Variants in GREB1 observed in about 807,000 individuals in gnomAD.
The protein encoded by GREB1 is protein GREB1.
GREB1 carries 106 observed loss-of-function variants against 200.7 expected under a neutral mutation model. That is an observed-to-expected ratio of 0.53 (90% CI 0.45 to 0.62). GREB1 has a LOEUF of 0.62. Ranked by LOEUF, GREB1 falls within the 20% of genes least tolerant of loss-of-function variation. The pLI, the probability that GREB1 is intolerant of heterozygous loss-of-function variation, is 0.00. For synonymous variants in GREB1, 1,132 were observed against 1,092.4 expected (o/e 1.04, Z -0.72); for missense variants, 2,243 against 2,556.8 (o/e 0.88, Z 2.65).
chr2:11,483,455 G>C (rs990685259), intron 1 of GREB1, among the ~76,000 whole-genome samples: 2 of 152,042 alleles, frequency 1.3e-5, no homozygotes, highest in Non-Finnish European at 2.9e-5. Flanking sequence ...GTGTGTGTGT[G>C]TATCTGCCTC....
chr2:11,638,811 T>C lies in GREB1; in HGVS notation c.5686+2T>C, dbSNP rs1462773731. ...TGAAAAAGTTTCATTTTCTGAAAGG[T>C]AACTTTTGTACTCTTAACTCTGCAC... On this transcript the variant is annotated splice_donor_variant, in intron 32 of 32. Transcript: ENST00000381486. LOFTEE classifies it high-confidence loss of function. 1 of 1,613,926 alleles carries C rather than the reference T, an allele frequency of 6.2e-7. No homozygotes were observed. Among genetic ancestry groups the C allele is most frequent in the Non-Finnish European group, 8.5e-7 (1 of 1,179,938 alleles).
chr2:11,566,664 C>T lies in GREB1; in HGVS notation c.454+8C>T. 6.2e-7 allele frequency: 1 copy of T among 1,605,738 alleles called. No individual in the cohort carries two copies. The highest frequency in any genetic ancestry group is 2.2e-5 in the East Asian group (1 of 44,692). On this transcript the variant is annotated splice_region_variant and intron_variant, in intron 4 of 32. Transcript: ENST00000381486. ...GCCACAATGCTCTTCTTGGTAAGTA[C>T]TGCTTTGTCATCCTCTGTGGCTCCT...
intron 1 of GREB1, among the ~76,000 whole-genome samples, chr2:11,499,153 C>T (rs1271751372): frequency 6.6e-6 from 1 of 152,190 alleles, no homozygotes; most frequent in Non-Finnish European, 1.5e-5. Flanking sequence ...TCCATTCTTA[C>T]TCCAGTTGGG....
chr2:11,586,408 A>G (rs1486249535), intron 9 of GREB1, among the ~76,000 whole-genome samples: 1 of 152,240 alleles, frequency 6.6e-6, no homozygotes, highest in Non-Finnish European at 1.5e-5. Context: ...AAACAAAATT[A>G]GATTTGATCT....
chr2:11,580,873 TC>T lies in GREB1; in HGVS notation c.901+42del. On this transcript the variant is annotated intron_variant, in intron 7 of 32. Transcript: ENST00000381486. The surrounding 1 kb of genome is among the most constrained non-coding windows in gnomAD (Gnocchi z 4.5). ...CTGGCCGTCCTGGGGATCCTGCTCT[TC>T]TTTGGGCCAAGGCCAGAGGGGGCAT... 6.2e-7 allele frequency: 1 copy of T among 1,613,874 alleles called. No individual in the cohort carries two copies. Among genetic ancestry groups the T allele is most frequent in the Non-Finnish European group, 8.5e-7 (1 of 1,179,802 alleles).
Position 11,581,819 on chromosome 2 carries a change from A to G in GREB1, c.901+987A>G, listed in dbSNP as rs1408712706. On this transcript the variant is annotated intron_variant, in intron 7 of 32. Coordinates refer to ENST00000381486, the MANE Select transcript of GREB1 (RefSeq NM_014668.4). ...GTCCAGAGAGGCAAGGCAGGTCTCCATGCTCCCACTCCACTGTGCTGGTGG... is the reference window on the plus strand; with the variant it reads ...GTCCAGAGAGGCAAGGCAGGTCTCCGTGCTCCCACTCCACTGTGCTGGTGG... Among the ~76,000 whole-genome samples, 6 of 152,326 alleles carry G rather than the reference A, an allele frequency of 3.9e-5. No homozygotes were observed. In the South Asian group the frequency reaches 1.2e-3, roughly 32 times the overall value.
chr2:11,490,729 A>C (rs956581131), intron 1 of GREB1, among the ~76,000 whole-genome samples: 22 of 151,318 alleles, frequency 1.5e-4, no homozygotes, highest in African/African-American at 5.1e-4. Context: ...TTGTATTTTT[A>C]GTACAGACAG....
At position 11,638,862 on chromosome 2, in the gene GREB1, G is replaced by A. The variant is rs1558679748; in HGVS notation, c.5686+53G>A. ...CTTGTCTTCAATGGCTGTAGTCACC[G>A]GGTACCCTGAGGAGGGGACCTTTGG... On this transcript the variant is annotated intron_variant, in intron 32 of 32. Coordinates refer to ENST00000381486, the MANE Select transcript of GREB1 (RefSeq NM_014668.4). 1.9e-5 allele frequency: 30 copies of A among 1,586,442 alleles called. 1 individual carries two copies. The East Asian group carries it at 2.0e-4, about 11-fold the overall frequency.
At chr2:11,552,976 C>T (rs566555865) in intron 1 of GREB1, among the ~76,000 whole-genome samples, 1 of 142,146 alleles carries the variant, frequency 7.0e-6, no homozygotes, top group African/African-American at 2.9e-5. Flanking sequence ...CGCCACTGCA[C>T]TCCAGCCTGG....
chr2:11,616,656 C>A lies in GREB1; in HGVS notation c.3348C>A (p.Pro1116=). Residue 1116 remains proline, a synonymous_variant, in exon 21 of 33, where the codon CCC becomes CCA. Coordinates refer to ENST00000381486, the MANE Select transcript of GREB1 (RefSeq NM_014668.4). ...GCTCTACCTCGGAGAAGAGAAGCCC[C>A]ATGAAAAGGGAGAGGTCCCGCTCCC... is the stretch of plus-strand genomic sequence containing the variant. ...TEGSTSEKRS[P]MKRERSRSHD... The A allele has an allele frequency of 6.2e-7, 1 of 1,612,054 alleles. No individual in the cohort carries two copies. Among genetic ancestry groups the A allele is most frequent in the Non-Finnish European group, 8.5e-7 (1 of 1,178,072 alleles).
chr2:11,519,146 T>C (rs897246065), intron 1 of GREB1, among the ~76,000 whole-genome samples: 2 of 152,044 alleles, frequency 1.3e-5, no homozygotes, highest in African/African-American at 2.4e-5. Flanking sequence ...CTTATCTTTT[T>C]CCTTGGCAGA....
intron 1 of GREB1, among the ~76,000 whole-genome samples, chr2:11,494,468 G>A (rs372546135): frequency 2.0e-5 from 3 of 152,268 alleles, no homozygotes; most frequent in Non-Finnish European, 2.9e-5. Context: ...CAGTTGAGAA[G>A]CATTGCTGTG....
chr2:11,556,614 G>A lies in GREB1; in HGVS notation c.-1G>A. ...AAACAGAAGACTCCATCCTCTTGAA[G>A]ATGGGAAATTCTTACGCTGGACAGC... is the stretch of plus-strand genomic sequence containing the variant. On this transcript the variant is annotated 5_prime_UTR_variant, in exon 2 of 33. Transcript: ENST00000381486. 1.2e-6 allele frequency: 2 copies of A among 1,607,976 alleles called. No homozygotes were observed. The highest frequency in any genetic ancestry group is 8.5e-7 in the Non-Finnish European group (1 of 1,176,606).
At chr2:11,562,952 G>A (rs1677228262) in intron 3 of GREB1, 3 of 163,562 alleles carry the variant, frequency 1.8e-5, no homozygotes, top group African/African-American at 7.2e-5. Context: ...ACTCACAAGT[G>A]ATTAGGAGGA....
intron 4 of GREB1, among the ~76,000 whole-genome samples, chr2:11,568,887 G>A (rs1677971335): frequency 6.6e-6 from 1 of 152,190 alleles, no homozygotes; most frequent in Non-Finnish European, 1.5e-5. Context: ...ATAACTTTAT[G>A]CTCTCAGCTT....
rs898986848 is a variant in GREB1 at position 11,586,045 on chromosome 2, G to A, written c.1159+140G>A. 9.7e-6 allele frequency: 8 copies of A among 826,298 alleles called. No individual in the cohort carries two copies. In the South Asian group the frequency reaches 1.3e-4, roughly 14 times the overall value. 51.2% of individuals were successfully genotyped at this position (826,298 alleles called of 1,614,324 possible). A position where few individuals can be genotyped will look rare whatever the true frequency, so the allele number is the denominator to read the frequency against. ...AAACCTAAAATGCTTTCCAGGGCAAGGAAAGAACAAGGCAGAGCCAGTCAC... is the reference window on the plus strand; with the variant it reads ...AAACCTAAAATGCTTTCCAGGGCAAAGAAAGAACAAGGCAGAGCCAGTCAC... On this transcript the variant is annotated intron_variant, in intron 9 of 32. Coordinates refer to ENST00000381486, the MANE Select transcript of GREB1 (RefSeq NM_014668.4).
intron 23 of GREB1, among the ~76,000 whole-genome samples, chr2:11,622,157 T>G (rs895081047): frequency 1.3e-5 from 2 of 152,182 alleles, no homozygotes; most frequent in African/African-American, 4.8e-5. Context: ...CTCGGCTCAT[T>G]GCAACCTCCG....
Position 11,618,588 on chromosome 2 carries a change from G to C in GREB1, c.3713G>C (p.Gly1238Ala), listed in dbSNP as rs1476780101. 6.2e-7 allele frequency: 1 copy of C among 1,613,032 alleles called. No individual in the cohort carries two copies. Among genetic ancestry groups the C allele is most frequent in the East Asian group, 2.2e-5 (1 of 44,858 alleles). The change falls in exon 22 of 33, where the codon GGC becomes GCC. Residue 1238 changes from glycine to alanine, a missense_variant. Transcript: ENST00000381486. ...SSSSSVAPAA[G>A]TWVLQASQCS... is the part of the protein sequence containing the mutation. ...TCCTCATCCGTGGCGCCCGCTGCCG[G>C]CACGTGGGTCCTGCAGGCCTCCCAG...
Position 11,576,353 on chromosome 2 carries a change from G to A in GREB1, c.455G>A (p.Gly152Asp). Residue 152 changes from glycine to aspartate, a missense_variant and splice_region_variant, in exon 5 of 33, where the codon GGT becomes GAT. By Grantham distance (94) the Gly-to-Asp change is moderately conservative. This residue lies in a region of GREB1 where 1,178 missense variants were observed against 1,387.4 expected (regional missense o/e 0.85). Transcript: ENST00000381486. ...PDDNGHNALL[G>D]FSGNCVGCGK... ...GTTTATGGTTTACTTCCTTCTCCAG[G>A]TTTCTCTGGGAATTGTGTTGGCTGT... 1 of 1,604,112 alleles carries A rather than the reference G, an allele frequency of 6.2e-7. No individual in the cohort carries two copies. Among genetic ancestry groups the A allele is most frequent in the South Asian group, 1.1e-5 (1 of 88,334 alleles).
Sources: gnomAD v4.1 joint callset for allele counts (sites outside exome capture counted in the v4.1 genomes callset) on GRCh38, gnomAD v4.1.1 for gene constraint, gnomAD v4.1.1 regional missense constraint, Gnocchi (gnomAD v3.1) non-coding constraint, MANE v1.5 for transcripts, NCBI Gene and HGNC (gene_info 2026-07-23, HGNC 2026-07-21) for gene names.